MFGE8: variants seen among roughly 807,000 people sequenced by gnomAD.
MFGE8 encodes the protein lactadherin.
A neutral mutation model predicts 42.6 loss-of-function variants in MFGE8; 34 were observed. The observed-to-expected ratio is 0.80, with a 90% CI of 0.61 to 1.06. The LOEUF is 1.06. MFGE8 is among the 50% of genes least tolerant of loss of function. The pLI is 0.00. For missense variants in MFGE8, 510 were observed against 516.9 expected (o/e 0.99, Z 0.13); for synonymous variants, 230 against 214.8 (o/e 1.07, Z -0.62).
intron 2 of MFGE8, among the ~76,000 whole-genome samples, chr15:88,909,391 A>G (rs907044014): frequency 3.9e-5 from 6 of 152,204 alleles, no homozygotes; most frequent in Non-Finnish European, 8.8e-5. Context: ...CTGGGCCTCA[A>G]AAGACCAAGA....
chr15:88,901,508 T>TGC, intron 6 of MFGE8, 43 bp downstream of exon 6: 6 of 924,206 alleles, frequency 6.5e-6, no homozygotes, highest in Non-Finnish European at 6.9e-6. Context: ...TCCCACCTCA[T>TGC]CCCACCCAAC....
At chr15:88,909,677 C>T in intron 2 of MFGE8, 115 bp downstream of exon 2, 1 of 1,523,384 alleles carries the variant, frequency 6.6e-7, no homozygotes, top group Non-Finnish European at 9.1e-7. Context: ...CTTGACACCT[C>T]CACTGGGGTG....
In MFGE8 at chr15:88,906,927, A is replaced by G. The variant is rs1596198140; in HGVS notation, c.388-149T>C. The G allele has an allele frequency of 2.8e-6, 3 of 1,069,846 alleles. No individual in the cohort carries two copies. In the East Asian group the frequency reaches 7.7e-5, roughly 28 times the overall value. 66.3% of individuals were successfully genotyped at this position (1,069,846 alleles called of 1,614,324 possible). A position where few individuals can be genotyped will look rare whatever the true frequency, so the allele number is the denominator to read the frequency against. On this transcript the variant is annotated intron_variant, in intron 3 of 7. Transcript: ENST00000268150. The surrounding 1 kb of genome is among the most constrained non-coding windows in gnomAD (Gnocchi z 4.2). ...GGTAGCTGAGCACACTGCCCGCACAAAGGGCTTTCTTCTTCTGCCCAGGCC... is the reference window on the plus strand; with the variant it reads ...GGTAGCTGAGCACACTGCCCGCACAGAGGGCTTTCTTCTTCTGCCCAGGCC...
chr15:88,910,604 T>C (rs1898912090), intron 1 of MFGE8: 1 of 154,278 alleles, frequency 6.5e-6, no homozygotes. Context: ...GGACCGTCAC[T>C]GGAGGCATGA....
Position 88,899,045 on chromosome 15 carries a change from G to A in MFGE8, c.*350C>T. ...ATGTGATGTGTGAGAGAGGGGCTAG[G>A]AGAGACAGAGACACACGCACCTGGG... On this transcript the variant is annotated 3_prime_UTR_variant, in exon 8 of 8. Coordinates refer to ENST00000268150, the MANE Select transcript of MFGE8 (RefSeq NM_005928.4). The surrounding 1 kb of genome is among the most constrained non-coding windows in gnomAD (Gnocchi z 6.8). 1 of 384,654 alleles carries A rather than the reference G, an allele frequency of 2.6e-6. No individual in the cohort carries two copies. The highest frequency in any genetic ancestry group is 5.0e-6 in the Non-Finnish European group (1 of 201,682). The allele number at this position is 384,654 out of a possible 1,614,324, so 23.8% of individuals were successfully genotyped here.
chr15:88,909,115 G>A (rs1898835870), intron 2 of MFGE8, among the ~76,000 whole-genome samples: 3 of 152,206 alleles, frequency 2.0e-5, no homozygotes, highest in African/African-American at 7.2e-5. Flanking sequence ...TAAGTGGGAG[G>A]GACTCCAGCT....
At position 88,903,446 on chromosome 15, in the gene MFGE8, T is replaced by G. The variant is rs1389367509; in HGVS notation, c.686-1711A>C. On this transcript the variant is annotated intron_variant, in intron 5 of 7. Transcript: ENST00000268150. The surrounding 1 kb of genome is among the most constrained non-coding windows in gnomAD (Gnocchi z 4.9). ...AAAAAAGCTTATGTTTCAGCAAGTC[T>G]AGGCTGGGGCTTTCAGTCTGTATTT... 6.6e-6 allele frequency: 1 copy of G among 151,890 alleles called. No homozygotes were observed. Among genetic ancestry groups the G allele is most frequent in the Non-Finnish European group, 1.5e-5 (1 of 67,960 alleles). 9.4% of individuals were successfully genotyped at this position (151,890 alleles called of 1,614,324 possible).
At chr15:88,912,870 A>G (rs1013694362) in intron 1 of MFGE8, 62 of 985,280 alleles carry the variant, frequency 6.3e-5, no homozygotes, top group Non-Finnish European at 7.4e-5. Flanking sequence ...ACTTATCCAT[A>G]CTAGAGTCCT....
Position 88,906,511 on chromosome 15 carries a change from C to T in MFGE8, c.540+115G>A. ...TAGAAGCCAAGATGCACCCGAAGAC[C>T]CACATCATAGCCAATCACCTAGGGT... On this transcript the variant is annotated intron_variant, in intron 4 of 7. Coordinates refer to ENST00000268150, the MANE Select transcript of MFGE8 (RefSeq NM_005928.4). The surrounding 1 kb of genome is among the most constrained non-coding windows in gnomAD (Gnocchi z 4.2). 1 of 1,239,788 alleles carries T rather than the reference C, an allele frequency of 8.1e-7. No individual in the cohort carries two copies. The highest frequency in any genetic ancestry group is 1.2e-6 in the Non-Finnish European group (1 of 842,554). 76.8% of individuals were successfully genotyped at this position (1,239,788 alleles called of 1,614,324 possible).
At chr15:88,901,993 C>T (rs781780831) in intron 5 of MFGE8, 1 of 494,864 alleles carries the variant, frequency 2.0e-6, no homozygotes. Flanking sequence ...CCACCCTTCT[C>T]CTCTGCACCA....
At chr15:88,909,451 T>G (rs1898852029) in intron 2 of MFGE8, among the ~76,000 whole-genome samples, 1 of 152,220 alleles carries the variant, frequency 6.6e-6, no homozygotes. Flanking sequence ...AACTTAACCC[T>G]AATGCTGTGT....
intron 2 of MFGE8, 39 bp from the exon 3 acceptor site, chr15:88,907,415 C>G: frequency 3.1e-6 from 5 of 1,601,714 alleles, no homozygotes; most frequent in Non-Finnish European, 4.3e-6. Flanking sequence ...GCTACCCCAG[C>G]AGGTTCCCGG....
In MFGE8 at chr15:88,909,863, A is replaced by G. The variant is rs777459646; in HGVS notation, c.134T>C (p.Val45Ala). The G allele has an allele frequency of 8.7e-6, 14 of 1,614,206 alleles. No individual in the cohort carries two copies. The South Asian group carries it at 8.8e-5, about 10-fold the overall frequency. ...GGLCEEISQE[V>A]RGDVFPSYTC... ...GTACGAGGGGAAGACATCTCCTCGC[A>G]CTTCTTGGGAAATCTCCTCGCATAA... is the stretch of plus-strand genomic sequence containing the variant. The change falls in exon 2 of 8, where the codon GTG becomes GCG. Residue 45 changes from valine to alanine, a missense_variant. Physicochemically the swap from Val to Ala is moderately conservative, Grantham distance 64. Transcript: ENST00000268150.
chr15:88,900,262 CG>C (rs1898300504), intron 6 of MFGE8, among the ~76,000 whole-genome samples: 1 of 148,294 alleles, frequency 6.7e-6, no homozygotes, highest in African/African-American at 2.5e-5. Flanking sequence ...AAAAAAAAAG[CG>C]GTGAGGGGGC....
chr15:88,904,584 G>C (rs1048520710), intron 5 of MFGE8: 1 of 152,278 alleles, frequency 6.6e-6, no homozygotes, highest in Non-Finnish European at 1.5e-5. Context: ...ACTCCAGGGA[G>C]AGGCACACAG....
intron 1 of MFGE8, chr15:88,910,131 G>A: frequency 1.8e-6 from 1 of 568,642 alleles, no homozygotes; most frequent in South Asian, 1.8e-5. Context: ...GCCCACATAA[G>A]GGAAGCGCCC....
intron 1 of MFGE8, 21 bp downstream of exon 1, chr15:88,913,226 A>G: frequency 6.7e-7 from 1 of 1,497,054 alleles, no homozygotes; most frequent in Admixed American, 2.1e-5. Flanking sequence ...CGAGGGGCAG[A>G]GGGCGGCGCG....
chr15:88,903,738 C>T lies in MFGE8; in HGVS notation c.686-2003G>A, dbSNP rs945681666. On this transcript the variant is annotated intron_variant, in intron 5 of 7. Coordinates refer to ENST00000268150, the MANE Select transcript of MFGE8 (RefSeq NM_005928.4). This position sits in a 1 kb window ranked among gnomAD's most constrained non-coding sequence, Gnocchi z 4.9. ...CTCCTGACCTCAGGTGATCCGCTCG[C>T]CTCGGCCTCCCAAAGTGCTGGGATT... 6.6e-6 allele frequency: 1 copy of T among 152,336 alleles called. No homozygotes were observed. The allele number at this position is 152,336 out of a possible 1,614,324, so 9.4% of individuals were successfully genotyped here.
At position 88,905,414 on chromosome 15, in the gene MFGE8, C is replaced by A; in HGVS notation, c.685+343G>T. ...CCGAAGCAAACAAAACAGACAGATT[C>A]TCTGCCCTCGTAAAGCTGACATCTG... On this transcript the variant is annotated intron_variant, in intron 5 of 7. Coordinates refer to ENST00000268150, the MANE Select transcript of MFGE8 (RefSeq NM_005928.4). This position sits in a 1 kb window ranked among gnomAD's most constrained non-coding sequence, Gnocchi z 6.6. 4.0e-6 allele frequency: 2 copies of A among 500,952 alleles called. No homozygotes were observed. Among genetic ancestry groups the A allele is most frequent in the South Asian group, 3.2e-5 (2 of 63,258 alleles). 31.0% of individuals were successfully genotyped at this position (500,952 alleles called of 1,614,324 possible). A position where few individuals can be genotyped will look rare whatever the true frequency, so the allele number is the denominator to read the frequency against.
Sources: allele counts gnomAD v4.1 joint callset (sites outside exome capture counted in the v4.1 genomes callset), GRCh38; gene constraint gnomAD v4.1.1; non-coding constraint Gnocchi (gnomAD v3.1); transcripts MANE v1.5; gene names NCBI Gene and HGNC (gene_info 2026-07-23, HGNC 2026-07-21).